TMEFF1: variants seen among roughly 807,000 people sequenced by gnomAD.
TMEFF1 encodes tomoregulin-1.
A neutral mutation model predicts 47.5 loss-of-function variants in TMEFF1; 20 were observed. That is an observed-to-expected ratio of 0.42 (90% CI 0.30 to 0.61). The LOEUF (loss-of-function observed/expected upper bound fraction) is 0.61. TMEFF1 is among the 20% of genes least tolerant of loss of function. The pLI, the probability that TMEFF1 is intolerant of heterozygous loss-of-function variation, is 0.19. For missense variants in TMEFF1, 411 were observed against 471.1 expected, an observed-to-expected ratio of 0.87 and a Z score of 1.18; for synonymous variants, 162 against 166.3, an observed-to-expected ratio of 0.97 and a Z score of 0.20.
intron 1 of TMEFF1, among the ~76,000 whole-genome samples, chr9:100,481,680 G>A (rs888343381): frequency 2.0e-5 from 3 of 152,224 alleles, no homozygotes; most frequent in Non-Finnish European, 2.9e-5. Context: ...GAAGGGAAGA[G>A]CCTGGCGGTA....
chr9:100,522,325 T>C (rs960351748), intron 5 of TMEFF1, among the ~76,000 whole-genome samples: 1 of 152,086 alleles, frequency 6.6e-6, no homozygotes, highest in African/African-American at 2.4e-5. Flanking sequence ...AATGGAAAAA[T>C]AATTTTGTGT....
At chr9:100,549,670 A>G (rs971277556) in intron 6 of TMEFF1, among the ~76,000 whole-genome samples, 12 of 152,118 alleles carry the variant, frequency 7.9e-5, no homozygotes, top group African/African-American at 2.4e-4. Context: ...GTCATTTTTT[A>G]TAGTAAGTGT....
intron 5 of TMEFF1, among the ~76,000 whole-genome samples, chr9:100,526,197 C>A (rs1355102800): frequency 2.0e-5 from 3 of 152,108 alleles, no homozygotes; most frequent in Non-Finnish European, 4.4e-5. Context: ...AAGTCTAAAG[C>A]CATTCTAATT....
intron 4 of TMEFF1, among the ~76,000 whole-genome samples, chr9:100,513,890 A>G (rs1838014855): frequency 6.6e-6 from 1 of 152,248 alleles, no homozygotes; most frequent in African/African-American, 2.4e-5. Flanking sequence ...TTAGAGTTTA[A>G]TTTAAACCTT....
At chr9:100,570,995 C>T (rs1203459773) in intron 8 of TMEFF1, among the ~76,000 whole-genome samples, 2 of 152,140 alleles carry the variant, frequency 1.3e-5, no homozygotes, top group African/African-American at 4.8e-5. Context: ...GTCAAATTAT[C>T]ATCAGCTGAT....
intron 1 of TMEFF1, among the ~76,000 whole-genome samples, chr9:100,497,006 T>C (rs531412709): frequency 4.6e-5 from 7 of 152,328 alleles, no homozygotes; most frequent in African/African-American, 1.4e-4. Flanking sequence ...TTTTGTTATC[T>C]TCCTTTTGTC....
At chr9:100,512,352 T>C (rs1403293291) in intron 3 of TMEFF1, among the ~76,000 whole-genome samples, 1 of 152,182 alleles carries the variant, frequency 6.6e-6, no homozygotes, top group Non-Finnish European at 1.5e-5. Context: ...ATTCCTCCTG[T>C]TTCTGTGGTA....
rs754680071 is a variant in TMEFF1, at chr9:100,576,531, C to T, written c.1074C>T (p.Asn358=). 8.7e-6 allele frequency: 14 copies of T among 1,612,560 alleles called. No homozygotes were observed. The highest frequency in any genetic ancestry group is 1.1e-5 in the Non-Finnish European group (13 of 1,179,464). The change falls in exon 10 of 10, where the codon AAC becomes AAT. Residue 358 remains asparagine (N), a synonymous_variant. Transcript: ENST00000374879. ...AATGCAACAGAAAATGCCCCAAAAA[C>T]AATAGAGGACGTCGACAGAAGCAAA... ...VMCITRKCPK[N]NRGRRQKQNL...
At chr9:100,538,898 GAGT>G (rs1838569013) in intron 5 of TMEFF1, among the ~76,000 whole-genome samples, 1 of 151,898 alleles carries the variant, frequency 6.6e-6, no homozygotes, top group Non-Finnish European at 1.5e-5. Flanking sequence ...TGGTATACAC[GAGT>G]AGGAGATATT....
intron 5 of TMEFF1, among the ~76,000 whole-genome samples, chr9:100,519,413 C>CTAAA (rs35043429): frequency 0.21 from 31,523 of 150,126 alleles, 3,591 homozygotes; most frequent in South Asian, 0.32. Flanking sequence ...TCTCAAAAGA[C>CTAAA]TAAATAAATA....
At chr9:100,508,104 T>C (rs1837893934) in intron 2 of TMEFF1, among the ~76,000 whole-genome samples, 1 of 152,242 alleles carries the variant, frequency 6.6e-6, no homozygotes, top group Admixed American at 6.5e-5. Flanking sequence ...AATAATATTT[T>C]ATGCATTAAC....
At chr9:100,549,243 C>T (rs531455803) in intron 6 of TMEFF1, among the ~76,000 whole-genome samples, 61 of 152,038 alleles carry the variant, frequency 4.0e-4, no homozygotes, top group South Asian at 1.0e-3. Context: ...TCTTACATGG[C>T]CGGAAAAGGA....
chr9:100,550,273 A>G, intron 7 of TMEFF1, 113 bp downstream of exon 7: 2 of 974,682 alleles, frequency 2.1e-6, no homozygotes, highest in Non-Finnish European at 2.9e-6. Context: ...TCTCTATAGT[A>G]ATATACCTAA....
intron 8 of TMEFF1, 28 bp from the exon 9 acceptor site, chr9:100,572,490 T>C (rs1839266348): frequency 1.3e-6 from 2 of 1,514,404 alleles, no homozygotes; most frequent in Non-Finnish European, 1.8e-6. Context: ...GTAATTTTCA[T>C]AGGAATATAT....
chr9:100,475,715 CTGTGTG>C lies in TMEFF1; in HGVS notation c.196+2011_196+2016del, dbSNP rs3055671. Among the ~76,000 whole-genome samples the C allele has an allele frequency of 9.9e-3, 1,395 of 140,830 alleles. 6 individuals are homozygous for C. Among genetic ancestry groups the C allele is most frequent in the African/African-American group, 0.012 (445 of 38,030 alleles). 92.4% of individuals were successfully genotyped at this position (140,830 alleles called of 152,430 possible). On this transcript the variant is annotated intron_variant, in intron 1 of 9. Coordinates refer to ENST00000374879, the MANE Select transcript of TMEFF1 (RefSeq NM_003692.5). ...GATGTGGGTTGGTGATGCAGAGCGA[CTGTGTG>C]TGTGTGTGTGTGTGTGTGTGTGTGT... is the stretch of plus-strand genomic sequence containing the variant.
chr9:100,485,733 A>G (rs528658216), intron 1 of TMEFF1, among the ~76,000 whole-genome samples: 3 of 152,208 alleles, frequency 2.0e-5, no homozygotes, highest in South Asian at 4.1e-4. Flanking sequence ...ATATAATTCT[A>G]TTATTAGCTT....
At chr9:100,500,296 A>C (rs557547046) in intron 2 of TMEFF1, among the ~76,000 whole-genome samples, 1 of 152,132 alleles carries the variant, frequency 6.6e-6, no homozygotes, top group East Asian at 1.9e-4. Flanking sequence ...TCTGAAATCT[A>C]TTTGTTACTC....
chr9:100,513,748 G>T (rs1171066063), intron 4 of TMEFF1, among the ~76,000 whole-genome samples: 1 of 152,032 alleles, frequency 6.6e-6, no homozygotes, highest in East Asian at 1.9e-4. Context: ...TTGGACCAGA[G>T]TATTTGTAAC....
intron 7 of TMEFF1, among the ~76,000 whole-genome samples, chr9:100,558,407 C>A (rs1838955751): frequency 6.6e-6 from 1 of 151,880 alleles, no homozygotes; most frequent in Non-Finnish European, 1.5e-5. Flanking sequence ...TCACTTATGG[C>A]CTGATTGGGA....
Sources: allele counts gnomAD v4.1 joint callset (sites outside exome capture counted in the v4.1 genomes callset), GRCh38; gene constraint gnomAD v4.1.1; transcripts MANE v1.5; gene names NCBI Gene and HGNC (gene_info 2026-07-23, HGNC 2026-07-21).